DNAI4: variants seen among roughly 807,000 people sequenced by gnomAD.
DNAI4 encodes the protein dynein axonemal intermediate chain 4, also known as WD repeat domain 78.
Under a neutral mutation model 105.8 loss-of-function variants are expected in DNAI4, and 85 were observed. The ratio of observed to expected loss-of-function variants is 0.80; its 90% confidence interval spans 0.67 to 0.96. The LOEUF is 0.96. DNAI4 is among the 40% of genes least tolerant of loss of function. DNAI4 has a pLI of 0.00. For missense variants in DNAI4, 1,014 were observed against 1,005.6 expected, an observed-to-expected ratio of 1.01 and a Z score of -0.11; for synonymous variants, 352 against 331.5, an observed-to-expected ratio of 1.06 and a Z score of -0.67.
chr1:66,860,852 C>T (rs567759502), intron 7 of DNAI4: 2 of 152,120 alleles, frequency 1.3e-5, no homozygotes. Context: ...ATTGTATAGA[C>T]ATTCATGCTT....
rs139382812 is a variant in DNAI4, at chr1:66,910,581, G to A, written c.171-5206C>T. Among the ~76,000 whole-genome samples the A allele has an allele frequency of 3.0e-3, 454 of 152,286 alleles. 2 individuals carry two copies. The highest frequency in any genetic ancestry group is 0.01 in the African/African-American group (425 of 41,550). Reference sequence around the variant, plus strand: ...TCCCCACCTGCCCTAATCACTCCATGGCCAAATGCCAGAACAACAGGCGCA... The same window carrying A: ...TCCCCACCTGCCCTAATCACTCCATAGCCAAATGCCAGAACAACAGGCGCA... On this transcript the variant is annotated intron_variant, in intron 1 of 16. Coordinates refer to ENST00000371026, the MANE Select transcript of DNAI4 (RefSeq NM_024763.5).
chr1:66,893,003 AAGAGAG>A (rs1200544285), intron 3 of DNAI4, among the ~76,000 whole-genome samples: 1 of 111,920 alleles, frequency 8.9e-6, no homozygotes, highest in Non-Finnish European at 2.0e-5. Flanking sequence ...GAAAGAGAGA[AAGAGAG>A]AGAGGAAAGA....
chr1:66,818,095 T>A (rs1645554901), intron 16 of DNAI4, among the ~76,000 whole-genome samples: 1 of 152,030 alleles, frequency 6.6e-6, no homozygotes, highest in South Asian at 2.1e-4. Flanking sequence ...AATGTATATA[T>A]TTTTAATATT....
intron 8 of DNAI4, among the ~76,000 whole-genome samples, chr1:66,844,102 A>AAAAC (rs1646217319): frequency 1.4e-5 from 2 of 146,752 alleles, no homozygotes; most frequent in South Asian, 2.2e-4. Context: ...AAAAAAAAAA[A>AAAAC]AAAAACTTTA....
chr1:66,884,126 A>C (rs1282196158), intron 4 of DNAI4, among the ~76,000 whole-genome samples: 2 of 152,186 alleles, frequency 1.3e-5, no homozygotes, highest in African/African-American at 4.8e-5. Flanking sequence ...ATGTTCTCTA[A>C]TTCATTATAT....
At position 66,873,749 on chromosome 1, in the gene DNAI4, C is replaced by T. The variant is rs184810837; in HGVS notation, c.800+1032G>A. ...AGGGTTGGGAGAACCCAAGACTCAT[C>T]ACTGGTCTCCAGATCCATATGTTAA... On this transcript the variant is annotated intron_variant, in intron 5 of 16. Coordinates refer to ENST00000371026, the MANE Select transcript of DNAI4 (RefSeq NM_024763.5). Among the ~76,000 whole-genome samples, 8 of 152,098 alleles carry T rather than the reference C, an allele frequency of 5.3e-5. No homozygotes were observed. In the South Asian group the frequency reaches 8.3e-4, roughly 16 times the overall value.
At chr1:66,835,989 A>G (rs915994986) in intron 10 of DNAI4, among the ~76,000 whole-genome samples, 9 of 151,510 alleles carry the variant, frequency 5.9e-5, no homozygotes, top group African/African-American at 2.2e-4. Context: ...TTCAGCACTC[A>G]ATGGCTTTAA....
chr1:66,924,556 A>T lies in DNAI4; in HGVS notation c.170+106T>A, dbSNP rs902791433. 2.7e-6 allele frequency: 4 copies of T among 1,487,174 alleles called. No individual in the cohort carries two copies. The African/African-American group carries it at 5.6e-5, about 21-fold the overall frequency. 92.1% of individuals were successfully genotyped at this position (1,487,174 alleles called of 1,614,324 possible). A position where few individuals can be genotyped will look rare whatever the true frequency, so the allele number is the denominator to read the frequency against. On this transcript the variant is annotated intron_variant, in intron 1 of 16. Coordinates refer to ENST00000371026, the MANE Select transcript of DNAI4 (RefSeq NM_024763.5). Reference sequence around the variant, plus strand: ...GCTTCAAGGTCTACAGACTGAACCCAGTTAGGGTAGGGCCCCTTTCCAAAT... The same window carrying T: ...GCTTCAAGGTCTACAGACTGAACCCTGTTAGGGTAGGGCCCCTTTCCAAAT...
In DNAI4 at chr1:66,914,905, C is replaced by T. The variant is rs577849352; in HGVS notation, c.171-9530G>A. ...GGAAAAGACTAGTCAAATGCTTTTT[C>T]GAGTTTATGTAACTTAAGTAAAATC... On this transcript the variant is annotated intron_variant, in intron 1 of 16. Coordinates refer to ENST00000371026, the MANE Select transcript of DNAI4 (RefSeq NM_024763.5). Among the ~76,000 whole-genome samples the T allele has an allele frequency of 1.1e-4, 17 of 152,172 alleles. No individual in the cohort carries two copies. In the South Asian group the frequency reaches 3.1e-3, roughly 28 times the overall value.
Position 66,813,937 on chromosome 1 carries a change from T to G in DNAI4, c.*193A>C. The G allele has an allele frequency of 2.1e-6, 1 of 477,506 alleles. No individual in the cohort carries two copies. Among genetic ancestry groups the G allele is most frequent in the Non-Finnish European group, 3.6e-6 (1 of 276,202 alleles). The allele number at this position is 477,506 out of a possible 1,614,324, so 29.6% of individuals were successfully genotyped here. On this transcript the variant is annotated 3_prime_UTR_variant, in exon 17 of 17. Transcript: ENST00000371026. ...ATTAAGAAAATTCCACTGAAACTCT[T>G]AAGAATAACTCTTAGATTGTAAACT...
At chr1:66,884,070 C>A (rs1240513345) in intron 4 of DNAI4, among the ~76,000 whole-genome samples, 1 of 152,154 alleles carries the variant, frequency 6.6e-6, no homozygotes, top group East Asian at 1.9e-4. Flanking sequence ...TAACTGAGAA[C>A]ATGTAGTATT....
intron 13 of DNAI4, chr1:66,828,332 GA>G (rs1374820434): frequency 2.0e-5 from 3 of 151,878 alleles, no homozygotes; most frequent in Admixed American, 1.3e-4. Context: ...ATTGAAAAAA[GA>G]AAAAAATAAA....
intron 16 of DNAI4, among the ~76,000 whole-genome samples, chr1:66,820,364 C>T (rs1645600211): frequency 6.6e-6 from 1 of 152,106 alleles, no homozygotes; most frequent in Non-Finnish European, 1.5e-5. Flanking sequence ...AATTTTTTCT[C>T]TAGTTTTTCA....
rs779243352 is a variant in DNAI4 at position 66,893,255 on chromosome 1, A to G, written c.504T>C (p.Asn168=). ...SSYSLYQNTI[N]PSTLGQFTRS... Reference sequence around the variant, plus strand: ...TTGTAAACTGCCCTAACGTACTAGGATTTATTGTATTCTGATAAAGGCTAT... The same window carrying G: ...TTGTAAACTGCCCTAACGTACTAGGGTTTATTGTATTCTGATAAAGGCTAT... Residue 168 remains asparagine, a synonymous_variant, in exon 3 of 17, where the codon AAT becomes AAC. Transcript: ENST00000371026. 5.0e-6 allele frequency: 8 copies of G among 1,598,736 alleles called. No individual in the cohort carries two copies. The highest frequency in any genetic ancestry group is 6.8e-6 in the Non-Finnish European group (8 of 1,172,812).
At chr1:66,904,948 T>G (rs1649125798) in intron 2 of DNAI4, 2 of 392,936 alleles carry the variant, frequency 5.1e-6, no homozygotes, top group Admixed American at 4.4e-5. Context: ...ATTAATACCA[T>G]AAGCAAATAG....
Position 66,834,132 on chromosome 1 carries a change from GT to G in DNAI4, c.1749del (p.Lys583AsnfsTer12). The G allele has an allele frequency of 6.2e-7, 1 of 1,601,736 alleles. No individual in the cohort carries two copies. The highest frequency in any genetic ancestry group is 8.5e-7 in the Non-Finnish European group (1 of 1,176,522). On this transcript the variant is annotated frameshift_variant, in exon 12 of 17. Coordinates refer to ENST00000371026, the MANE Select transcript of DNAI4 (RefSeq NM_024763.5). LOFTEE classifies it high-confidence loss of function. ...PVLDSSESPQ[K>X]HLGPVWQLQW... ...TGTAGTTGCCATACAGGTCCCAAAT[GT>G]TTTTGAGGTGATTCACTAAAACAGT...
rs1431949989 is a variant in DNAI4 at position 66,890,671 on chromosome 1, G to A, written c.643+483C>T. On this transcript the variant is annotated intron_variant, in intron 4 of 16. Transcript: ENST00000371026. The surrounding 1 kb of genome is among the most constrained non-coding windows in gnomAD (Gnocchi z 4.1). ...AAGAGGAAGAGGAGAAGGAAGCAGA[G>A]GAGGAAGAGGAGGAAGAGGAAGAAG... 5 of 212,604 alleles carry A rather than the reference G, an allele frequency of 2.4e-5. No individual in the cohort carries two copies. The highest frequency in any genetic ancestry group is 1.3e-4 in the South Asian group (2 of 14,954). 13.2% of individuals were successfully genotyped at this position (212,604 alleles called of 1,614,324 possible).
At chr1:66,861,845 T>C (rs1326803631) in intron 7 of DNAI4, among the ~76,000 whole-genome samples, 2 of 152,096 alleles carry the variant, frequency 1.3e-5, no homozygotes, top group Admixed American at 6.6e-5. Context: ...TCATAAGTAA[T>C]CTAATTGAAC....
At chr1:66,911,068 A>C (rs1246362957) in intron 1 of DNAI4, among the ~76,000 whole-genome samples, 6 of 152,184 alleles carry the variant, frequency 3.9e-5, no homozygotes, top group Non-Finnish European at 8.8e-5. Context: ...CCATAAGACT[A>C]CCTCTGACTT....
Sources: allele counts gnomAD v4.1 joint callset (sites outside exome capture counted in the v4.1 genomes callset), GRCh38; gene constraint gnomAD v4.1.1; non-coding constraint Gnocchi (gnomAD v3.1); transcripts MANE v1.5; gene names NCBI Gene and HGNC (gene_info 2026-07-23, HGNC 2026-07-21).